TRPM8: variants seen among roughly 807,000 people sequenced by gnomAD.
TRPM8 encodes TRPM8 cationic channel.
In TRPM8, 110 loss-of-function variants were observed where a neutral mutation model predicts 133.7. That is an observed-to-expected ratio of 0.82 (90% CI 0.70 to 0.96). TRPM8 has a LOEUF of 0.96. Among genes scored for constraint, TRPM8 ranks in the 40% least tolerant of loss-of-function variants. TRPM8 has a pLI of 0.00. For missense variants in TRPM8, 1,291 were observed against 1,379.5 expected (o/e 0.94, Z 1.02); for synonymous variants, 535 against 532.3 (o/e 1.01, Z -0.07).
At chr2:234,011,914 C>CAAAAAAA (rs869030520) in intron 24 of TRPM8, among the ~76,000 whole-genome samples, 4 of 81,270 alleles carry the variant, frequency 4.9e-5, no homozygotes, top group Non-Finnish European at 8.9e-5. Context: ...GAGACTGTCT[C>CAAAAAAA]AAAAAAAAAA....
At position 233,966,680 on chromosome 2, in the gene TRPM8, T is replaced by C. The variant is rs995997989; in HGVS notation, c.1950T>C (p.Ala650=). The C allele has an allele frequency of 3.1e-6, 5 of 1,613,916 alleles. No individual in the cohort carries two copies. The highest frequency in any genetic ancestry group is 1.3e-5 in the African/African-American group (1 of 75,020). The change falls in exon 15 of 26, where the codon GCT becomes GCC. Residue 650 remains alanine (A), a synonymous_variant. Transcript: ENST00000324695. ...AGCTGCTGGTCTATTCCTGTGAAGC[T>C]TGGGGTGGAAGCAACTGTCTGGAGC... ...AEQLLVYSCE[A]WGGSNCLELA...
intron 18 of TRPM8, among the ~76,000 whole-genome samples, chr2:233,980,896 C>T (rs939351821): frequency 3.3e-5 from 5 of 152,132 alleles, no homozygotes; most frequent in African/African-American, 4.8e-5. Context: ...ACTGGCCTGT[C>T]GTCCCCAAAT....
At chr2:234,013,777 T>A (rs1692895382) in intron 24 of TRPM8, 1 of 152,190 alleles carries the variant, frequency 6.6e-6, no homozygotes, top group Non-Finnish European at 1.5e-5. Context: ...TTACAATTCA[T>A]CTTAAGTCTG....
chr2:233,952,342 A>G (rs2125136435), intron 9 of TRPM8, among the ~76,000 whole-genome samples: 1 of 152,254 alleles, frequency 6.6e-6, no homozygotes, highest in South Asian at 2.1e-4. Context: ...GAAAGGTAAC[A>G]TGGATACAAA....
Position 233,981,483 on chromosome 2 carries a change from G to A in TRPM8, c.2448-291G>A, listed in dbSNP as rs112841259. Among the ~76,000 whole-genome samples the A allele has an allele frequency of 5.3e-3, 808 of 152,212 alleles. 12 individuals carry two copies. The highest frequency in any genetic ancestry group is 0.018 in the African/African-American group (768 of 41,528). ...GAGCCAGGGAAGTTAGCAATAGCAC[G>A]GTTAGGTTCCTGCTGTAGTGTGTGA... is the stretch of plus-strand genomic sequence containing the variant. On this transcript the variant is annotated intron_variant, in intron 18 of 25. Coordinates refer to ENST00000324695, the MANE Select transcript of TRPM8 (RefSeq NM_024080.5).
chr2:233,970,266 C>T lies in TRPM8; in HGVS notation c.2195C>T (p.Thr732Ile), dbSNP rs17862932. 1.2e-3 allele frequency: 1,896 copies of T among 1,614,198 alleles called. 2 individuals are homozygous for T. Among genetic ancestry groups the T allele is most frequent in the Non-Finnish European group, 1.5e-3 (1,767 of 1,180,038 alleles). Reference protein sequence around the residue: ...KLLWYYVAFFTSPFVVFSWNV... With the variant: ...KLLWYYVAFFISPFVVFSWNV... ...CTTTGGTACTATGTGGCGTTCTTCA[C>T]CTCCCCCTTCGTGGTCTTCTCCTGG... Residue 732 changes from threonine (T) to isoleucine (I), a missense_variant, in exon 17 of 26, where the codon ACC becomes ATC. Thr to Ile is a moderately conservative substitution (Grantham distance 89). Coordinates refer to ENST00000324695, the MANE Select transcript of TRPM8 (RefSeq NM_024080.5).
intron 5 of TRPM8, 55 bp from the exon 6 acceptor site, chr2:233,942,521 A>G: frequency 1.3e-6 from 2 of 1,590,990 alleles, no homozygotes; most frequent in African/African-American, 2.7e-5. Context: ...GTGAGCCCAG[A>G]ATGGAAACTT....
chr2:233,952,672 A>G (rs1691197235), intron 9 of TRPM8, among the ~76,000 whole-genome samples: 1 of 151,632 alleles, frequency 6.6e-6, no homozygotes, highest in Non-Finnish European at 1.5e-5. Context: ...CAGGGAAAAA[A>G]CGAGATGGAA....
chr2:234,000,134 A>T (rs573203262), intron 22 of TRPM8, among the ~76,000 whole-genome samples: 2 of 107,292 alleles, frequency 1.9e-5, no homozygotes, highest in Non-Finnish European at 4.0e-5. Flanking sequence ...TTTTTGAGAC[A>T]GAGTCTCTCT....
intron 6 of TRPM8, chr2:233,942,996 A>G (rs997152901): frequency 5.1e-6 from 3 of 588,138 alleles, no homozygotes; most frequent in Admixed American, 5.9e-5. Flanking sequence ...CTCATATCAC[A>G]GTCAGGTTCT....
At position 233,996,551 on chromosome 2, in the gene TRPM8, A is replaced by G. The variant is rs946009170; in HGVS notation, c.3130+35A>G. ...TTATCCATGTGTACTTGGGATCAGA[A>G]GCAGCGATTAATTTCAGGGAAGGAT... On this transcript the variant is annotated intron_variant, in intron 22 of 25. Transcript: ENST00000324695. 2.5e-6 allele frequency: 4 copies of G among 1,595,536 alleles called. No homozygotes were observed. The African/African-American group carries it at 5.4e-5, about 21-fold the overall frequency.
At position 234,000,105 on chromosome 2, in the gene TRPM8, T is replaced by TTATTTA. The variant is rs1333177023; in HGVS notation, c.3130+3591_3130+3596dup. ...GTGGATGATTTATTTATTTATTTAT[T>TTATTTA]TATTTATTTATTTATTTATTTTTGA... On this transcript the variant is annotated intron_variant, in intron 22 of 25. Transcript: ENST00000324695. Among the ~76,000 whole-genome samples the TTATTTA allele has an allele frequency of 7.3e-5, 11 of 151,142 alleles. No individual in the cohort carries two copies. In the East Asian group the frequency reaches 1.7e-3, roughly 24 times the overall value.
chr2:233,993,209 G>A lies in TRPM8; in HGVS notation c.2940-3117G>A, dbSNP rs1692326111. On this transcript the variant is annotated intron_variant, in intron 21 of 25. Coordinates refer to ENST00000324695, the MANE Select transcript of TRPM8 (RefSeq NM_024080.5). ...CACACCCCCTGGGATGCCCATAAGAGTTCTTGCTATTTGTCTGGGAAAGCA... is the reference window on the plus strand; with the variant it reads ...CACACCCCCTGGGATGCCCATAAGAATTCTTGCTATTTGTCTGGGAAAGCA... Among the ~76,000 whole-genome samples the A allele has an allele frequency of 2.6e-5, 4 of 152,328 alleles. No individual in the cohort carries two copies. The South Asian group carries it at 8.3e-4, about 32-fold the overall frequency.
intron 21 of TRPM8, among the ~76,000 whole-genome samples, chr2:233,996,093 TAA>T (rs200380555): frequency 4.4e-5 from 6 of 136,518 alleles, no homozygotes; most frequent in Non-Finnish European, 6.4e-5. Context: ...TTTTTGTGAT[TAA>T]AAAAAAAAAA....
At chr2:233,949,053 A>G (rs1301607430) in intron 8 of TRPM8, among the ~76,000 whole-genome samples, 1 of 152,160 alleles carries the variant, frequency 6.6e-6, no homozygotes, top group Non-Finnish European at 1.5e-5. Context: ...AAGAAAGAAA[A>G]AGAAAAGAAA....
chr2:234,015,686 G>A (rs1435703195), intron 25 of TRPM8, among the ~76,000 whole-genome samples: 1 of 152,174 alleles, frequency 6.6e-6, no homozygotes, highest in African/African-American at 2.4e-5. Context: ...GTATTATGGA[G>A]GGCTTTGTTA....
chr2:234,011,844 G>A (rs1692846310), intron 24 of TRPM8, among the ~76,000 whole-genome samples: 2 of 146,426 alleles, frequency 1.4e-5, no homozygotes, highest in African/African-American at 2.5e-5. Flanking sequence ...GTGAACCTGG[G>A]AGGCAGAGCT....
intron 24 of TRPM8, among the ~76,000 whole-genome samples, chr2:234,009,716 A>G (rs1482452630): frequency 3.3e-5 from 5 of 152,222 alleles, no homozygotes; most frequent in Admixed American, 1.3e-4. Context: ...CCTTCTGAAC[A>G]ACCAAAAATC....
intron 11 of TRPM8, among the ~76,000 whole-genome samples, chr2:233,957,428 G>A (rs1242998558): frequency 2.0e-5 from 3 of 151,884 alleles, no homozygotes; most frequent in Admixed American, 6.6e-5. Flanking sequence ...GGTGGAGGTT[G>A]CAATGAGCTG....
Sources: gnomAD v4.1 joint callset for allele counts (sites outside exome capture counted in the v4.1 genomes callset) on GRCh38, gnomAD v4.1.1 for gene constraint, MANE v1.5 for transcripts, NCBI Gene and HGNC (gene_info 2026-07-23, HGNC 2026-07-21) for gene names.